VPS8: variants seen among roughly 807,000 people sequenced by gnomAD.
VPS8 encodes the protein vacuolar protein sorting-associated protein 8 homolog.
A neutral mutation model predicts 216.4 loss-of-function variants in VPS8; 129 were observed. That is an observed-to-expected ratio of 0.60 (90% CI 0.52 to 0.69). The LOEUF is 0.69. VPS8 is among the 30% of genes least tolerant of loss of function. The pLI is 0.00. For synonymous variants in VPS8, 571 were observed against 565.4 expected (o/e 1.01, Z -0.14); for missense variants, 1,531 against 1,683.5 (o/e 0.91, Z 1.59).
chr3:184,996,538 T>G, intron 44 of VPS8, 37 bp downstream of exon 44: 1 of 1,551,254 alleles, frequency 6.4e-7, no homozygotes, highest in Non-Finnish European at 8.7e-7. Flanking sequence ...GTATGGTACA[T>G]GTACATCTGT....
chr3:184,833,234 C>G (rs79544006), intron 4 of VPS8, among the ~76,000 whole-genome samples: 1 of 151,880 alleles, frequency 6.6e-6, no homozygotes, highest in East Asian at 1.9e-4. Context: ...ATCACAAAGA[C>G]GATTAAAAAT....
chr3:184,983,204 C>A, intron 42 of VPS8, 110 bp downstream of exon 42: 2 of 970,372 alleles, frequency 2.1e-6, no homozygotes, highest in Admixed American at 3.6e-5. Context: ...CATAATGCAG[C>A]TAATTTTTGG....
chr3:185,043,346 A>G (rs79247955), intron 46 of VPS8, among the ~76,000 whole-genome samples: 2,970 of 152,306 alleles, frequency 0.02, 160 homozygotes, highest in East Asian at 0.17. Flanking sequence ...AGCTAGCAGA[A>G]GGCCAGAGAC....
chr3:184,980,082 T>A (rs1410443895), intron 40 of VPS8, among the ~76,000 whole-genome samples: 1 of 152,202 alleles, frequency 6.6e-6, no homozygotes, highest in African/African-American at 2.4e-5. Context: ...AAGTTTTGGG[T>A]TGGAATTTTT....
chr3:184,849,943 TG>T lies in VPS8; in HGVS notation c.675del (p.Met225IlefsTer10). ...LCGFAKGQITMWDLASGKLLR... is the reference protein window; with the variant it reads ...LCGFAKGQITXWDLASGKLLR... Reference sequence around the variant, plus strand: ...CACTTAGTTGTCTTATAGATCACCATGTGGGATTTGGCCAGTGGAAAACTTC... The same window carrying T: ...CACTTAGTTGTCTTATAGATCACCATTGGGATTTGGCCAGTGGAAAACTTC... On this transcript the variant is annotated frameshift_variant, in exon 10 of 48. Coordinates refer to ENST00000625842, the MANE Select transcript of VPS8 (RefSeq NM_001009921.3). LOFTEE classifies it high-confidence loss of function. 1 of 1,612,588 alleles carries T rather than the reference TG, an allele frequency of 6.2e-7. No homozygotes were observed. Among genetic ancestry groups the T allele is most frequent in the Non-Finnish European group, 8.5e-7 (1 of 1,179,332 alleles).
At position 185,043,160 on chromosome 3, in the gene VPS8, C is replaced by A. The variant is rs528878652; in HGVS notation, c.4057-5319C>A. ...CATGAAACCGTATACATTCAGAGCACCTTATGTTTGTCACTAACATGTCAT... is the reference window on the plus strand; with the variant it reads ...CATGAAACCGTATACATTCAGAGCAACTTATGTTTGTCACTAACATGTCAT... On this transcript the variant is annotated intron_variant, in intron 46 of 47. Transcript: ENST00000625842. Among the ~76,000 whole-genome samples the A allele has an allele frequency of 3.9e-5, 6 of 152,202 alleles. No individual in the cohort carries two copies. The East Asian group carries it at 1.2e-3, about 29-fold the overall frequency.
intron 46 of VPS8, among the ~76,000 whole-genome samples, chr3:185,042,850 T>A (rs1392796543): frequency 6.6e-6 from 1 of 152,202 alleles, no homozygotes; most frequent in Non-Finnish European, 1.5e-5. Flanking sequence ...CCCAAGCTGT[T>A]GCCTTTCAAA....
intron 40 of VPS8, among the ~76,000 whole-genome samples, chr3:184,980,481 T>C (rs1750019697): frequency 6.6e-6 from 1 of 152,138 alleles, no homozygotes; most frequent in Admixed American, 6.5e-5. Flanking sequence ...TCCTGGAGGT[T>C]TTGTTCATTT....
At chr3:184,840,934 A>G (rs1020388959) in intron 7 of VPS8, among the ~76,000 whole-genome samples, 2 of 152,064 alleles carry the variant, frequency 1.3e-5, no homozygotes, top group East Asian at 1.9e-4. Context: ...CTTATTTACC[A>G]TGGAAGTGGA....
chr3:185,031,735 A>G (rs6799671), intron 46 of VPS8, among the ~76,000 whole-genome samples: 1,660 of 152,338 alleles, frequency 0.011, 31 homozygotes, highest in African/African-American at 0.037. Flanking sequence ...GTGACACTAC[A>G]TTACCTACTA....
chr3:185,045,621 A>G (rs575814994), intron 46 of VPS8, among the ~76,000 whole-genome samples: 2 of 152,174 alleles, frequency 1.3e-5, no homozygotes, highest in South Asian at 4.2e-4. Flanking sequence ...AAACACAAAA[A>G]CTAGCCGAGC....
chr3:184,926,487 TG>T, intron 30 of VPS8, 106 bp from the exon 31 acceptor site: 1 of 1,110,490 alleles, frequency 9.0e-7, no homozygotes, highest in African/African-American at 1.6e-5. Flanking sequence ...TTGTTATGTC[TG>T]GGTGTGAATG....
At chr3:184,895,036 A>G in intron 23 of VPS8, 111 bp downstream of exon 23, 1 of 861,006 alleles carries the variant, frequency 1.2e-6, no homozygotes, top group Non-Finnish European at 1.8e-6. Flanking sequence ...GTAATTATTT[A>G]TTGAGCACTT....
chr3:184,834,874 T>C, intron 5 of VPS8, 132 bp downstream of exon 5: 1 of 660,184 alleles, frequency 1.5e-6, no homozygotes, highest in Non-Finnish European at 2.5e-6. Context: ...CTTTCATGGT[T>C]TTTGTGTGAT....
At chr3:184,986,013 A>C (rs910515484) in intron 42 of VPS8, among the ~76,000 whole-genome samples, 1 of 152,212 alleles carries the variant, frequency 6.6e-6, no homozygotes, top group African/African-American at 2.4e-5. Flanking sequence ...CTCTTCTTAG[A>C]TCTGTGAAAT....
At chr3:185,031,024 C>G (rs1020003936) in intron 46 of VPS8, among the ~76,000 whole-genome samples, 1 of 137,346 alleles carries the variant, frequency 7.3e-6, no homozygotes, top group Non-Finnish European at 1.5e-5. Context: ...ATATAGACAG[C>G]TATACTTGCT....
intron 36 of VPS8, among the ~76,000 whole-genome samples, chr3:184,942,170 G>A (rs1369195068): frequency 6.6e-6 from 1 of 151,894 alleles, no homozygotes; most frequent in Non-Finnish European, 1.5e-5. Context: ...CAAAAAAAAA[G>A]GCATATCACA....
At chr3:184,853,016 TA>T (rs2108669983) in intron 11 of VPS8, among the ~76,000 whole-genome samples, 1 of 152,298 alleles carries the variant, frequency 6.6e-6, no homozygotes, top group Non-Finnish European at 1.5e-5. Context: ...AAGTAGAACA[TA>T]ATATTCATTG....
At chr3:184,970,433 G>A (rs1748222326) in intron 39 of VPS8, among the ~76,000 whole-genome samples, 1 of 152,196 alleles carries the variant, frequency 6.6e-6, no homozygotes, top group South Asian at 2.1e-4. Flanking sequence ...AGTGACTAAG[G>A]TGTGTGGAAA....
Sources: allele counts gnomAD v4.1 joint callset (sites outside exome capture counted in the v4.1 genomes callset), GRCh38; gene constraint gnomAD v4.1.1; transcripts MANE v1.5; gene names NCBI Gene and HGNC (gene_info 2026-07-23, HGNC 2026-07-21).